Variants in PTPRT observed in about 807,000 individuals in gnomAD.
PTPRT encodes the protein receptor-type tyrosine-protein phosphatase T.
In PTPRT, 56 loss-of-function variants were observed where a neutral mutation model predicts 176.8. The observed-to-expected ratio is 0.32, with a 90% CI of 0.26 to 0.40. The LOEUF (loss-of-function observed/expected upper bound fraction) is 0.40. Ranked by LOEUF, PTPRT falls within the 10% of genes least tolerant of loss-of-function variation. PTPRT has a pLI of 1.00. For missense variants in PTPRT, 1,540 were observed against 1,908.2 expected, an observed-to-expected ratio of 0.81 and a Z score of 3.60; for synonymous variants, 783 against 739.0, an observed-to-expected ratio of 1.06 and a Z score of -0.96.
At chr20:43,084,979 T>C (rs553030457) in intron 1 of PTPRT, among the ~76,000 whole-genome samples, 4 of 152,216 alleles carry the variant, frequency 2.6e-5, no homozygotes, top group Non-Finnish European at 5.9e-5. Context: ...ACAGCTAGTA[T>C]AATCTAACTT....
chr20:42,887,418 C>T (rs2079120763), intron 1 of PTPRT, among the ~76,000 whole-genome samples: 1 of 152,212 alleles, frequency 6.6e-6, no homozygotes, highest in Non-Finnish European at 1.5e-5. Context: ...CTTATACTTC[C>T]TAGTCCCCAG....
At chr20:42,038,949 C>T in the PTPRT span, among the ~76,000 whole-genome samples, 10 of 152,202 alleles carry the variant, frequency 6.6e-5, 1 homozygote, top group African/African-American at 1.7e-4. Flanking sequence ...TACAAAAGTT[C>T]TTCCAGCCCA....
chr20:42,780,338 G>A (rs2077197009), intron 3 of PTPRT, 39 bp from the exon 4 acceptor site: 1 of 1,522,284 alleles, frequency 6.6e-7, no homozygotes, highest in African/African-American at 1.4e-5. Flanking sequence ...CACAGAAACA[G>A]TTGCAGGCAT....
At chr20:42,806,356 C>T (rs147454951) in intron 2 of PTPRT, among the ~76,000 whole-genome samples, 21 of 151,788 alleles carry the variant, frequency 1.4e-4, no homozygotes, top group African/African-American at 4.8e-4. Flanking sequence ...TGGTGGCGCA[C>T]GATTGTAATC....
At chr20:42,378,705 A>G (rs2058672048) in intron 9 of PTPRT, among the ~76,000 whole-genome samples, 11 of 152,156 alleles carry the variant, frequency 7.2e-5, no homozygotes, top group Admixed American at 7.2e-4. Context: ...CAGACTGCCT[A>G]TATTTGAATA....
At chr20:42,569,131 T>G (rs144411073) in intron 7 of PTPRT, among the ~76,000 whole-genome samples, 2 of 125,984 alleles carry the variant, frequency 1.6e-5, no homozygotes, top group East Asian at 5.4e-4. Flanking sequence ...TTTCATGCCA[T>G]GCCAGTACTG....
chr20:42,535,590 A>C (rs937530600), intron 7 of PTPRT, among the ~76,000 whole-genome samples: 3 of 152,178 alleles, frequency 2.0e-5, no homozygotes, highest in Non-Finnish European at 4.4e-5. Flanking sequence ...ACATTTTTGC[A>C]ATGGCTAAAT....
intron 9 of PTPRT, among the ~76,000 whole-genome samples, chr20:42,383,974 T>C (rs1410738796): frequency 7.9e-5 from 12 of 152,174 alleles, no homozygotes; most frequent in Admixed American, 7.9e-4. Context: ...TCTTTCTAAG[T>C]AGGATATGTG....
At chr20:42,793,215 G>A (rs532342601) in intron 2 of PTPRT, among the ~76,000 whole-genome samples, 1 of 152,316 alleles carries the variant, frequency 6.6e-6, no homozygotes, top group East Asian at 1.9e-4. Context: ...AGGGATACAA[G>A]TGCAGCTGTG....
chr20:42,139,146 C>A (rs1370027820), intron 18 of PTPRT, among the ~76,000 whole-genome samples: 1 of 151,732 alleles, frequency 6.6e-6, no homozygotes, highest in Non-Finnish European at 1.5e-5. Context: ...TTTCTTGATT[C>A]TCCTTTATGT....
chr20:42,856,693 A>G (rs1379605352), intron 2 of PTPRT, among the ~76,000 whole-genome samples: 1 of 151,922 alleles, frequency 6.6e-6, no homozygotes, highest in Non-Finnish European at 1.5e-5. Flanking sequence ...ACGGCACAGT[A>G]TGTAAAAATG....
chr20:42,191,335 G>A (rs1199621489), intron 16 of PTPRT, among the ~76,000 whole-genome samples: 1 of 152,176 alleles, frequency 6.6e-6, no homozygotes, highest in African/African-American at 2.4e-5. Context: ...TCTACATTAG[G>A]CAGTCACGTG....
chr20:42,730,111 G>T (rs1019700454), intron 6 of PTPRT, among the ~76,000 whole-genome samples: 6 of 152,180 alleles, frequency 3.9e-5, no homozygotes, highest in Non-Finnish European at 5.9e-5. Flanking sequence ...TGTCCTTAAT[G>T]TTGACAAAGA....
At chr20:42,364,228 G>A (rs558148999) in intron 9 of PTPRT, among the ~76,000 whole-genome samples, 14 of 152,142 alleles carry the variant, frequency 9.2e-5, no homozygotes, top group African/African-American at 1.4e-4. Context: ...CATCGATCAC[G>A]TAATCACACA....
intron 1 of PTPRT, among the ~76,000 whole-genome samples, chr20:43,008,467 C>T (rs1258726791): frequency 6.6e-6 from 1 of 152,130 alleles, no homozygotes; most frequent in Non-Finnish European, 1.5e-5. Context: ...GAGGGCCTTG[C>T]CTGACTTGTG....
chr20:42,775,101 T>C (rs7261386), intron 4 of PTPRT, among the ~76,000 whole-genome samples: 20,521 of 152,180 alleles, frequency 0.13, 1,557 homozygotes, highest in Non-Finnish European at 0.14. Context: ...GTTCTAAGCA[T>C]TTCCTACTCA....
In PTPRT at chr20:42,695,756, T is replaced by C. The variant is rs1318980054; in HGVS notation, c.860-17597A>G. On this transcript the variant is annotated intron_variant, in intron 6 of 30. Transcript: ENST00000373187. ...AGTAAGCAGCTGTCAATCTGGAAAA[T>C]GTAAGATAGACTTAGATACTTAATA... 3.9e-5 allele frequency among the ~76,000 whole-genome samples: 6 copies of C among 152,300 alleles called. No individual in the cohort carries two copies. The South Asian group carries it at 1.0e-3, about 26-fold the overall frequency.
chr20:42,416,507 T>C (rs1458339398), intron 9 of PTPRT, among the ~76,000 whole-genome samples: 3 of 152,194 alleles, frequency 2.0e-5, no homozygotes, highest in Non-Finnish European at 2.9e-5. Flanking sequence ...CTCGTTCACC[T>C]CACAGTTCAG....
intron 11 of PTPRT, among the ~76,000 whole-genome samples, chr20:42,331,293 A>G (rs1600845514): frequency 6.6e-6 from 1 of 152,178 alleles, no homozygotes; most frequent in East Asian, 1.9e-4. Context: ...ACCCACAGCA[A>G]TGCTTTTACA....
Sources: gnomAD v4.1 joint callset for allele counts (sites outside exome capture counted in the v4.1 genomes callset) on GRCh38, gnomAD v4.1.1 for gene constraint, MANE v1.5 for transcripts, NCBI Gene and HGNC (gene_info 2026-07-23, HGNC 2026-07-21) for gene names.